The following ZNF737 variants were observed in gnomAD, a reference collection of about 807,000 sequenced individuals.
The protein encoded by ZNF737 is zinc finger protein 737, also known as zinc finger protein 102 (Y3).
Under a neutral mutation model 11.7 loss-of-function variants are expected in ZNF737, and 13 were observed. The observed-to-expected ratio is 1.11, with a 90% CI of 0.73 to 1.77. The LOEUF is 1.77. ZNF737 is among the 40% of genes most tolerant of loss of function. ZNF737 has a pLI of 0.00. For missense variants in ZNF737, 636 were observed against 638.0 expected, an observed-to-expected ratio of 1.00 and a Z score of 0.03; for synonymous variants, 217 against 216.2, an observed-to-expected ratio of 1.00 and a Z score of -0.03.
downstream of ZNF737, among the ~76,000 whole-genome samples, chr19:20,533,080 C>T (rs1470888548): frequency 2.0e-5 from 3 of 149,974 alleles, no homozygotes; most frequent in African/African-American, 7.4e-5. Flanking sequence ...GGGGCTGGTT[C>T]ATCTCTGACC....
In ZNF737 at chr19:20,545,785, T is replaced by G; in HGVS notation, c.418A>C (p.Thr140Pro). 3 of 1,613,098 alleles carry G rather than the reference T, an allele frequency of 1.9e-6. No individual in the cohort carries two copies. The highest frequency in any genetic ancestry group is 2.5e-6 in the Non-Finnish European group (3 of 1,179,654). The change falls in exon 4 of 4, where the codon ACT becomes CCT. Residue 140 changes from threonine to proline, a missense_variant. Transcript: ENST00000427401. ...TCACACTGAAATATTTTGCTTTGAGTAGTTGTCAAATATTGGTTAAGTCCA... is the reference window on the plus strand; with the variant it reads ...TCACACTGAAATATTTTGCTTTGAGGAGTTGTCAAATATTGGTTAAGTCCA... ...YNGLNQYLTT[T>P]QSKIFQCDKY...
intron 2 of ZNF737, among the ~76,000 whole-genome samples, chr19:20,553,409 C>T (rs546154064): frequency 6.6e-6 from 1 of 152,170 alleles, no homozygotes; most frequent in South Asian, 2.1e-4. Flanking sequence ...CAGGCATGTG[C>T]CACCATGCCC....
chr19:20,565,491 C>A (rs1220004693), intron 1 of ZNF737, 147 bp downstream of exon 1: 6 of 1,401,714 alleles, frequency 4.3e-6, no homozygotes, highest in East Asian at 2.3e-5. Context: ...TATGGCTGAA[C>A]GGGACTGAGG....
At chr19:20,556,908 G>C (rs1375837562) in intron 1 of ZNF737, among the ~76,000 whole-genome samples, 4 of 152,116 alleles carry the variant, frequency 2.6e-5, no homozygotes, top group Admixed American at 6.5e-5. Flanking sequence ...TAACACCCGG[G>C]GAGCTGGTAC....
chr19:20,549,162 G>A (rs1281840204), intron 3 of ZNF737, among the ~76,000 whole-genome samples: 3 of 151,832 alleles, frequency 2.0e-5, no homozygotes, highest in Non-Finnish European at 4.4e-5. Flanking sequence ...ACTAAAATTG[G>A]GGTCATATTT....
downstream of ZNF737, chr19:20,537,980 T>A (rs1968046507): frequency 1.1e-6 from 1 of 871,962 alleles, no homozygotes; most frequent in South Asian, 5.3e-5. Flanking sequence ...TAAAAGCTTT[T>A]CTGAGGCAGA....
In ZNF737 at chr19:20,544,646, C is replaced by T; in HGVS notation, c.1557G>A (p.Lys519=). ...YKCEECGKGF[K]CPSTLTTHKV... Reference sequence around the variant, plus strand: ...TATGTGTAGTAAGGGTAGAGGGGCACTTAAAGCCTTTGCCACATTCTTCAC... The same window carrying T: ...TATGTGTAGTAAGGGTAGAGGGGCATTTAAAGCCTTTGCCACATTCTTCAC... The change falls in exon 4 of 4, where the codon AAG becomes AAA. Residue 519 remains lysine, a synonymous_variant. Coordinates refer to ENST00000427401, the MANE Select transcript of ZNF737 (RefSeq NM_001159293.2). 1 of 1,600,676 alleles carries T rather than the reference C, an allele frequency of 6.2e-7. No homozygotes were observed. Among genetic ancestry groups the T allele is most frequent in the South Asian group, 1.1e-5 (1 of 89,552 alleles).
intron 3 of ZNF737, among the ~76,000 whole-genome samples, chr19:20,548,961 T>G (rs1168365297): frequency 1.1e-4 from 2 of 18,652 alleles, no homozygotes; most frequent in Admixed American, 4.7e-4. Context: ...AAAGAAAAAC[T>G]GAAAAAAAAA....
chr19:20,543,755 T>A lies in ZNF737; in HGVS notation c.*837A>T. On this transcript the variant is annotated 3_prime_UTR_variant, in exon 4 of 4. Transcript: ENST00000427401. ...TTGTTATGTGTAGAGAAGTTGGAGGTGTTCGTAAAAGCAATGTCACATTTT... is the reference window on the plus strand; with the variant it reads ...TTGTTATGTGTAGAGAAGTTGGAGGAGTTCGTAAAAGCAATGTCACATTTT... The A allele has an allele frequency of 8.1e-6, 8 of 985,326 alleles. No homozygotes were observed. Among genetic ancestry groups the A allele is most frequent in the Non-Finnish European group, 8.4e-6 (7 of 829,894 alleles). 61.0% of individuals were successfully genotyped at this position (985,326 alleles called of 1,614,324 possible). A position where few individuals can be genotyped will look rare whatever the true frequency, so the allele number is the denominator to read the frequency against.
At chr19:20,531,393 G>A (rs370223591), downstream of ZNF737, among the ~76,000 whole-genome samples, 18 of 149,800 alleles carry the variant, frequency 1.2e-4, 1 homozygote, top group East Asian at 6.0e-4. Context: ...ACATTTATGC[G>A]GATTTCCATA....
rs782502657 is a variant in ZNF737, at chr19:20,541,993, AAG to A, written c.*2597_*2598del. Reference sequence around the variant, plus strand: ...ATACAAATAAAAAATTTAAATAATAAAGAGTCAAAATTTAATCTATGGGAACA... The same window carrying A: ...ATACAAATAAAAAATTTAAATAATAAAGTCAAAATTTAATCTATGGGAACA... On this transcript the variant is annotated 3_prime_UTR_variant, in exon 4 of 4. Transcript: ENST00000427401. The A allele has an allele frequency of 3.8e-5, 37 of 979,622 alleles. No individual in the cohort carries two copies. Among genetic ancestry groups the A allele is most frequent in the South Asian group, 4.7e-5 (1 of 21,158 alleles). The allele number at this position is 979,622 out of a possible 1,614,324, so 60.7% of individuals were successfully genotyped here. A position where few individuals can be genotyped will look rare whatever the true frequency, so the allele number is the denominator to read the frequency against.
chr19:20,545,745 A>ACTT lies in ZNF737; in HGVS notation c.455_457dup (p.Lys152_Val153insGlu). 2 of 1,613,100 alleles carry ACTT rather than the reference A, an allele frequency of 1.2e-6. No individual in the cohort carries two copies. The highest frequency in any genetic ancestry group is 2.2e-5 in the South Asian group (2 of 90,826). On this transcript the variant is annotated inframe_insertion, in exon 4 of 4. Coordinates refer to ENST00000427401, the MANE Select transcript of ZNF737 (RefSeq NM_001159293.2). ...GTTTGAATTTGAAAATTTATGAATGACTTTCACATATTTATCACACTGAAA... is the reference window on the plus strand; with the variant it reads ...GTTTGAATTTGAAAATTTATGAATGACTTCTTTCACATATTTATCACACTGAAA...
At chr19:20,530,345 T>G in the ZNF737 span, among the ~76,000 whole-genome samples, 1 of 138,016 alleles carries the variant, frequency 7.2e-6, no homozygotes, top group Non-Finnish European at 1.6e-5. Flanking sequence ...ACGGGGCAGC[T>G]GGCCGGGCGG....
At chr19:20,530,588 C>T in the ZNF737 span, among the ~76,000 whole-genome samples, 473 of 146,640 alleles carry the variant, frequency 3.2e-3, 25 homozygotes, top group African/African-American at 0.011. Flanking sequence ...ACCTCCCAGA[C>T]GGGGTCGTGG....
chr19:20,554,240 C>G (rs544187733), intron 1 of ZNF737, among the ~76,000 whole-genome samples: 180 of 152,056 alleles, frequency 1.2e-3, no homozygotes, highest in Middle Eastern at 3.4e-3. Context: ...GGGTTTTTTT[C>G]CAGAAGATCT....
At chr19:20,530,389 C>G in the ZNF737 span, among the ~76,000 whole-genome samples, 1 of 139,946 alleles carries the variant, frequency 7.1e-6, no homozygotes, top group Non-Finnish European at 1.6e-5. Flanking sequence ...CCGGACGGGG[C>G]GACTGGCCTG....
rs998674986 is a variant in ZNF737, at chr19:20,540,651, T to C, written c.*3941A>G. 4 of 239,168 alleles carry C rather than the reference T, an allele frequency of 1.7e-5. No homozygotes were observed. Among genetic ancestry groups the C allele is most frequent in the African/African-American group, 7.0e-5 (3 of 42,816 alleles). 14.8% of individuals were successfully genotyped at this position (239,168 alleles called of 1,614,324 possible). A position where few individuals can be genotyped will look rare whatever the true frequency, so the allele number is the denominator to read the frequency against. ...GTGCATGCCTGTAATCCCAGCTACT[T>C]AGGAGGCTGAGGCAGGAGAATTGCT... On this transcript the variant is annotated 3_prime_UTR_variant, in exon 4 of 4. Coordinates refer to ENST00000427401, the MANE Select transcript of ZNF737 (RefSeq NM_001159293.2).
At chr19:20,552,598 A>C in intron 2 of ZNF737, 28 bp from the exon 3 acceptor site, 1 of 1,495,602 alleles carries the variant, frequency 6.7e-7, no homozygotes, top group Non-Finnish European at 9.1e-7. Context: ...AATAACATGA[A>C]TCTTGCTCAT....
In ZNF737 at chr19:20,545,062, A is replaced by G; in HGVS notation, c.1141T>C (p.Ser381Pro). The G allele has an allele frequency of 1.2e-6, 2 of 1,611,906 alleles. No homozygotes were observed. The highest frequency in any genetic ancestry group is 1.7e-6 in the Non-Finnish European group (2 of 1,179,060). The change falls in exon 4 of 4, where the codon TCC becomes CCC. Residue 381 changes from serine (S) to proline (P), a missense_variant. By Grantham distance (74) the Ser-to-Pro change is moderately conservative. Coordinates refer to ENST00000427401, the MANE Select transcript of ZNF737 (RefSeq NM_001159293.2). ...CEECGKAFNW[S>P]SHLTTHKRIH... ...CTCTTATGTGTAGTAAGGTGTGAGG[A>G]CCAGTTGAAGGCTTTGCCACATTCT...
Sources: gnomAD v4.1 joint callset for allele counts (sites outside exome capture counted in the v4.1 genomes callset) on GRCh38, gnomAD v4.1.1 for gene constraint, MANE v1.5 for transcripts, NCBI Gene and HGNC (gene_info 2026-07-23, HGNC 2026-07-21) for gene names.